Variants in CEP78 observed in about 807,000 individuals in gnomAD.
The protein encoded by CEP78 is centrosomal protein of 78 kDa.
A neutral mutation model predicts 81.2 loss-of-function variants in CEP78; 76 were observed. The ratio of observed to expected loss-of-function variants is 0.94; its 90% CI spans 0.78 to 1.13. The LOEUF (loss-of-function observed/expected upper bound fraction) is 1.13. Ranked by LOEUF, CEP78 falls within the 50% of genes most tolerant of loss-of-function variation. CEP78 has a pLI of 0.00. For synonymous variants in CEP78, 293 were observed against 301.4 expected (o/e 0.97, Z 0.29); for missense variants, 918 against 846.8 (o/e 1.08, Z -1.04).
At chr9:78,254,542 A>G (rs1197006750) in intron 10 of CEP78, 2 of 157,736 alleles carry the variant, frequency 1.3e-5, no homozygotes, top group African/African-American at 4.8e-5. Flanking sequence ...ATGTGAAAAA[A>G]GTGTAATAAA....
At position 78,236,117 on chromosome 9, in the gene CEP78, A is replaced by C. The variant is rs1016837030; in HGVS notation, c.-234A>C. The stretch of plus-strand genomic sequence containing the variant: ...CTCAGAGGACTATGAGGCGGGCGCC[A>C]ACTGCTTGGGCCGCAGGGCGGGAGG... On this transcript the variant is annotated 5_prime_UTR_variant, in exon 1 of 17. Coordinates refer to ENST00000643273, the MANE Select transcript of CEP78 (RefSeq NM_001330691.3). The C allele has an allele frequency of 2.8e-5, 15 of 533,792 alleles. No individual in the cohort carries two copies. The African/African-American group carries it at 3.1e-4, about 11-fold the overall frequency. 33.1% of individuals were successfully genotyped at this position (533,792 alleles called of 1,614,324 possible).
Position 78,278,314 on chromosome 9 carries a change from TA to T in CEP78, c.*7465del, listed in dbSNP as rs1827844521. ...GTGAATGAAAATGAGCTTTGCTACA[TA>T]ACCTCTTTTCAGAGCTTTGTATTCC... On this transcript the variant is annotated 3_prime_UTR_variant, in exon 17 of 17. Coordinates refer to ENST00000643273, the MANE Select transcript of CEP78 (RefSeq NM_001330691.3). The T allele has an allele frequency of 6.6e-6, 1 of 152,254 alleles. No individual in the cohort carries two copies. The highest frequency in any genetic ancestry group is 2.1e-4 in the South Asian group (1 of 4,836). The allele number at this position is 152,254 out of a possible 1,614,324, so 9.4% of individuals were successfully genotyped here.
chr9:78,268,047 C>G (rs1484223338), intron 16 of CEP78, among the ~76,000 whole-genome samples: 2 of 151,878 alleles, frequency 1.3e-5, no homozygotes, highest in African/African-American at 4.8e-5. Context: ...GGGAGATACA[C>G]AAGCAGATGT....
intron 6 of CEP78, among the ~76,000 whole-genome samples, chr9:78,247,867 T>G (rs1462996275): frequency 6.6e-6 from 1 of 152,198 alleles, no homozygotes; most frequent in Non-Finnish European, 1.5e-5. Flanking sequence ...TGATTTTGCA[T>G]ACAACTGGGT....
chr9:78,265,271 A>AT (rs1187378802), intron 13 of CEP78, 101 bp from the exon 14 acceptor site: 6 of 980,822 alleles, frequency 6.1e-6, no homozygotes, highest in Admixed American at 3.0e-5. Context: ...GGGTTTTAAG[A>AT]TTTTAGAAGT....
intron 1 of CEP78, among the ~76,000 whole-genome samples, chr9:78,239,446 G>GT (rs1826113107): frequency 6.6e-6 from 1 of 152,216 alleles, no homozygotes; most frequent in Non-Finnish European, 1.5e-5. Flanking sequence ...GCCTCCTGGG[G>GT]TTAGTTGGTC....
At chr9:78,253,326 G>C in intron 10 of CEP78, 49 bp downstream of exon 10, 1 of 836,424 alleles carries the variant, frequency 1.2e-6, no homozygotes, top group Non-Finnish European at 2.0e-6. Context: ...AATGGGAAGG[G>C]TGGAAGATCA....
Position 78,237,955 on chromosome 9 carries a change from CA to C in CEP78, c.253+1372del, listed in dbSNP as rs557546978. Among the ~76,000 whole-genome samples, 74 of 106,078 alleles carry C rather than the reference CA, an allele frequency of 7.0e-4. No individual in the cohort carries two copies. The East Asian group carries it at 7.1e-3, about 10-fold the overall frequency. The allele number at this position is 106,078 out of a possible 152,430, so 69.6% of individuals were successfully genotyped here. ...TGAAACCCCATCTGTACTAAAAATACAAAAAAAAAAAAAAAAAAAATTAGCC... is the reference window on the plus strand; with the variant it reads ...TGAAACCCCATCTGTACTAAAAATACAAAAAAAAAAAAAAAAAAATTAGCC... On this transcript the variant is annotated intron_variant, in intron 1 of 16. Transcript: ENST00000643273.
chr9:78,264,207 C>A lies in CEP78; in HGVS notation c.1516C>A (p.His506Asn). 3 of 1,595,120 alleles carry A rather than the reference C, an allele frequency of 1.9e-6. No homozygotes were observed. Among genetic ancestry groups the A allele is most frequent in the Non-Finnish European group, 2.6e-6 (3 of 1,171,838 alleles). The stretch of plus-strand genomic sequence containing the variant: ...AAATTTCTCTTTGTCTGAAGCCCTT[C>A]ATGCACAGTCATTGACAAATATGAT... ...NINFSLSEAL[H>N]AQSLTNMILD... Residue 506 changes from histidine to asparagine, a missense_variant, in exon 13 of 17, where the codon CAT (histidine) becomes AAT (asparagine). By Grantham distance (68) the His-to-Asn change is moderately conservative. Transcript: ENST00000643273.
chr9:78,248,120 T>C (rs966219270), intron 6 of CEP78, among the ~76,000 whole-genome samples, 171 bp from the exon 7 acceptor site: 3 of 152,216 alleles, frequency 2.0e-5, no homozygotes, highest in African/African-American at 7.2e-5. Context: ...ACTTTGTTTT[T>C]GAGGAAGAAG....
At position 78,243,448 on chromosome 9, in the gene CEP78, T is replaced by C. The variant is rs749663595; in HGVS notation, c.604-14T>C. The C allele has an allele frequency of 6.2e-7, 1 of 1,607,444 alleles. No homozygotes were observed. The highest frequency in any genetic ancestry group is 2.2e-5 in the East Asian group (1 of 44,790). The stretch of plus-strand genomic sequence containing the variant: ...ATCCAAGTGTATTAATTTCATCTTA[T>C]TAAATCTTTGAAGTATCAGACCATG... On this transcript the variant is annotated splice_polypyrimidine_tract_variant and intron_variant, in intron 4 of 16. Coordinates refer to ENST00000643273, the MANE Select transcript of CEP78 (RefSeq NM_001330691.3).
intron 11 of CEP78, among the ~76,000 whole-genome samples, chr9:78,260,876 C>G (rs191180887): frequency 5.0e-4 from 76 of 152,278 alleles, no homozygotes; most frequent in African/African-American, 1.7e-3. Flanking sequence ...TCAGGCCCCA[C>G]AGTTGACCTG....
In CEP78 at chr9:78,253,568, A is replaced by G. The variant is rs1052746571; in HGVS notation, c.1251+291A>G. The G allele has an allele frequency of 9.2e-6, 3 of 327,220 alleles. No homozygotes were observed. The South Asian group carries it at 1.8e-4, about 20-fold the overall frequency. The allele number at this position is 327,220 out of a possible 1,614,324, so 20.3% of individuals were successfully genotyped here. Reference sequence around the variant, plus strand: ...TTGACCACCATTTCTCACCCGACACATGGAGCTATCATAGTCAAGAATGTC... The same window carrying G: ...TTGACCACCATTTCTCACCCGACACGTGGAGCTATCATAGTCAAGAATGTC... On this transcript the variant is annotated intron_variant, in intron 10 of 16. Coordinates refer to ENST00000643273, the MANE Select transcript of CEP78 (RefSeq NM_001330691.3).
Position 78,243,639 on chromosome 9 carries a change from A to G in CEP78, c.778+3A>G, listed in dbSNP as rs756222872. 1.2e-6 allele frequency: 2 copies of G among 1,611,170 alleles called. No individual in the cohort carries two copies. Among genetic ancestry groups the G allele is most frequent in the Non-Finnish European group, 1.7e-6 (2 of 1,178,456 alleles). On this transcript the variant is annotated splice_donor_region_variant and intron_variant, in intron 5 of 16. Transcript: ENST00000643273. ...CAGTGAGGATTTATGGCTGAGAGGT[A>G]AGTTAAATGAACTTGTAAGGTGGAA...
intron 16 of CEP78, among the ~76,000 whole-genome samples, chr9:78,268,345 A>G (rs1353036828): frequency 1.3e-5 from 2 of 152,202 alleles, no homozygotes; most frequent in African/African-American, 4.8e-5. Flanking sequence ...AGTTACCGAA[A>G]TGTCATCAGG....
chr9:78,242,811 T>G (rs148846827), intron 4 of CEP78, among the ~76,000 whole-genome samples: 3,288 of 152,258 alleles, frequency 0.022, 120 homozygotes, highest in African/African-American at 0.074. Flanking sequence ...TACCTGTGGT[T>G]AAAACTCAAA....
At position 78,246,681 on chromosome 9, in the gene CEP78, A is replaced by G; in HGVS notation, c.791A>G (p.Gln264Arg). 1.9e-6 allele frequency: 3 copies of G among 1,600,492 alleles called. No homozygotes were observed. The highest frequency in any genetic ancestry group is 2.6e-6 in the Non-Finnish European group (3 of 1,174,524). Residue 264 changes from glutamine to arginine, a missense_variant, in exon 6 of 17, where the codon CAA becomes CGA. Gln to Arg is a conservative substitution (Grantham distance 43). Coordinates refer to ENST00000643273, the MANE Select transcript of CEP78 (RefSeq NM_001330691.3). The part of the protein sequence containing the change: ...EDLWLRALDL[Q>R]QCGLTNEGAK... ...CTTTCATCGAAAGCTCTTGACCTGC[A>G]ACAGTGCGGCCTCACCAATGAAGGA...
intron 16 of CEP78, among the ~76,000 whole-genome samples, chr9:78,268,847 G>A (rs984158070): frequency 1.3e-5 from 2 of 151,870 alleles, no homozygotes; most frequent in East Asian, 1.9e-4. Context: ...TCGTAGAGAC[G>A]GGGTTTCACC....
rs1587621929 is a variant in CEP78 at position 78,277,883 on chromosome 9, A to G, written c.*7032A>G. ...CAATTTCTGACATATAACACTCTGCAGCAGATAAAGACAATAGCTCTCTAG... is the reference window on the plus strand; with the variant it reads ...CAATTTCTGACATATAACACTCTGCGGCAGATAAAGACAATAGCTCTCTAG... On this transcript the variant is annotated 3_prime_UTR_variant, in exon 17 of 17. Coordinates refer to ENST00000643273, the MANE Select transcript of CEP78 (RefSeq NM_001330691.3). 3 of 152,368 alleles carry G rather than the reference A, an allele frequency of 2.0e-5. No homozygotes were observed. The East Asian group carries it at 5.8e-4, about 29-fold the overall frequency. 9.4% of individuals were successfully genotyped at this position (152,368 alleles called of 1,614,324 possible). A position where few individuals can be genotyped will look rare whatever the true frequency, so the allele number is the denominator to read the frequency against.
Sources: allele counts gnomAD v4.1 joint callset (sites outside exome capture counted in the v4.1 genomes callset), GRCh38; gene constraint gnomAD v4.1.1; transcripts MANE v1.5; gene names NCBI Gene and HGNC (gene_info 2026-07-23, HGNC 2026-07-21).